The following SNX5 variants were observed in gnomAD, a reference collection of about 807,000 sequenced individuals.
SNX5 encodes the protein sorting nexin 5.
In SNX5, 31 loss-of-function variants were observed where a neutral mutation model predicts 53.9. The observed-to-expected ratio is 0.58, with a 90% CI of 0.43 to 0.78. The LOEUF is 0.78. Among genes scored for constraint, SNX5 ranks in the 30% least tolerant of loss-of-function variants. The pLI is 0.00. For missense variants in SNX5, 471 were observed against 478.8 expected, an observed-to-expected ratio of 0.98 and a Z score of 0.15; for synonymous variants, 168 against 171.1, an observed-to-expected ratio of 0.98 and a Z score of 0.14.
intron 1 of SNX5, chr20:17,962,067 T>A (rs1304132998): frequency 1.2e-6 from 1 of 808,124 alleles, no homozygotes; most frequent in East Asian, 1.3e-4. Flanking sequence ...GTGCTCCGAA[T>A]TGTTACTATT....
chr20:17,948,294 AAAG>A (rs1330478156), intron 10 of SNX5, among the ~76,000 whole-genome samples: 2 of 152,272 alleles, frequency 1.3e-5, no homozygotes, highest in Non-Finnish European at 2.9e-5. Flanking sequence ...GGCTATTAAA[AAAG>A]TATGTTTTTA....
intron 2 of SNX5, 29 bp downstream of exon 2, chr20:17,956,904 T>G (rs775106146): frequency 1.8e-6 from 2 of 1,106,712 alleles, no homozygotes; most frequent in African/African-American, 3.1e-5. Context: ...AACCTAGCAC[T>G]GTATGTATTA....
chr20:17,945,485 G>C (rs2122345580), intron 11 of SNX5: 1 of 152,228 alleles, frequency 6.6e-6, no homozygotes, highest in South Asian at 2.1e-4. Flanking sequence ...AGGTAGACCT[G>C]AATTGGCATC....
At chr20:17,961,490 G>T in intron 1 of SNX5, 1 of 985,294 alleles carries the variant, frequency 1.0e-6, no homozygotes, top group Non-Finnish European at 1.2e-6. Context: ...TGTTAGATTG[G>T]GGCTAGTTGA....
At chr20:17,954,169 C>G (rs1464316943) in intron 3 of SNX5, 52 bp from the exon 4 acceptor site, 5 of 1,603,842 alleles carry the variant, frequency 3.1e-6, no homozygotes, top group African/African-American at 2.7e-5. Flanking sequence ...GCGATGTTTT[C>G]TAGTTGGTGC....
In SNX5 at chr20:17,947,645, C is replaced by T; in HGVS notation, c.919G>A (p.Asp307Asn). Reference protein sequence around the residue: ...YYMLNIEAAKDLLYRRTKALI... With the variant: ...YYMLNIEAAKNLLYRRTKALI... ...GCTTTGGTGCGTCTGTATAAGAGATCCTGGGAAAAAAATTAACAGGTATAC... is the reference window on the plus strand; with the variant it reads ...GCTTTGGTGCGTCTGTATAAGAGATTCTGGGAAAAAAATTAACAGGTATAC... Residue 307 changes from aspartate to asparagine, a missense_variant and splice_region_variant, in exon 11 of 13, where the codon GAT (aspartate) becomes AAT (asparagine). By Grantham distance (23) the Asp-to-Asn change is conservative (BLOSUM62 1). Coordinates refer to ENST00000377759, the MANE Select transcript of SNX5 (RefSeq NM_014426.4). 13 of 1,603,790 alleles carry T rather than the reference C, an allele frequency of 8.1e-6. No individual in the cohort carries two copies. The highest frequency in any genetic ancestry group is 1.1e-5 in the Non-Finnish European group (13 of 1,176,804).
intron 10 of SNX5, among the ~76,000 whole-genome samples, chr20:17,948,051 A>T (rs1400067457): frequency 2.0e-5 from 3 of 152,204 alleles, no homozygotes; most frequent in Non-Finnish European, 4.4e-5. Context: ...TACCCTGCAA[A>T]TCCTGCTTCT....
chr20:17,945,389 C>G (rs2039473287), intron 11 of SNX5: 1 of 152,176 alleles, frequency 6.6e-6, no homozygotes, highest in Non-Finnish European at 1.5e-5. Context: ...CAGCATTCCA[C>G]AGAATACTGT....
chr20:17,952,832 CAG>C, intron 4 of SNX5, 122 bp from the exon 5 acceptor site: 1 of 1,122,558 alleles, frequency 8.9e-7, no homozygotes, highest in Non-Finnish European at 1.2e-6. Context: ...CTGGACCAAA[CAG>C]TATTTCAGTA....
chr20:17,952,424 CA>C (rs1363191816), intron 5 of SNX5, among the ~76,000 whole-genome samples, 162 bp downstream of exon 5: 3 of 152,044 alleles, frequency 2.0e-5, no homozygotes, highest in African/African-American at 7.2e-5. Flanking sequence ...TTTCTTTAAG[CA>C]GAGTTTTACA....
chr20:17,950,612 T>C (rs143398846), intron 6 of SNX5, among the ~76,000 whole-genome samples: 2,818 of 152,270 alleles, frequency 0.019, 52 homozygotes, highest in Non-Finnish European at 0.024. Context: ...TACAGAAGAA[T>C]CACTTAACAA....
Position 17,943,109 on chromosome 20 carries a change from C to G in SNX5, c.1164+1G>C. ...TGGCTTCATCTGTAGAAAACACTTACCCTGGCATGTTTTATTTCCAGTTCA... is the reference window on the plus strand; with the variant it reads ...TGGCTTCATCTGTAGAAAACACTTAGCCTGGCATGTTTTATTTCCAGTTCA... On this transcript the variant is annotated splice_donor_variant, in intron 12 of 12. Coordinates refer to ENST00000377759, the MANE Select transcript of SNX5 (RefSeq NM_014426.4). LOFTEE classifies it high-confidence loss of function. 6.3e-7 allele frequency: 1 copy of G among 1,581,978 alleles called. No homozygotes were observed. Among genetic ancestry groups the G allele is most frequent in the Non-Finnish European group, 8.7e-7 (1 of 1,151,586 alleles).
intron 2 of SNX5, 29 bp downstream of exon 2, chr20:17,956,904 T>C (rs775106146): frequency 1.8e-6 from 2 of 1,106,712 alleles, no homozygotes; most frequent in Admixed American, 1.7e-5. Flanking sequence ...AACCTAGCAC[T>C]GTATGTATTA....
chr20:17,963,748 T>C (rs1435877288), intron 1 of SNX5, among the ~76,000 whole-genome samples: 1 of 152,202 alleles, frequency 6.6e-6, no homozygotes, highest in African/African-American at 2.4e-5. Flanking sequence ...CAAACCAAGA[T>C]GCACAGGAAA....
intron 1 of SNX5, among the ~76,000 whole-genome samples, chr20:17,964,647 G>T (rs1387784717): frequency 6.6e-6 from 1 of 152,132 alleles, no homozygotes; most frequent in Non-Finnish European, 1.5e-5. Flanking sequence ...TCACTATTGG[G>T]ATCATTAAAA....
At chr20:17,961,758 CA>C (rs2035454424) in intron 1 of SNX5, 1 of 985,286 alleles carries the variant, frequency 1.0e-6, no homozygotes, top group African/African-American at 1.7e-5. Context: ...TGTTATGTTT[CA>C]TTCCACTGCC....
chr20:17,952,786 A>G, intron 4 of SNX5, 76 bp from the exon 5 acceptor site: 3 of 1,542,700 alleles, frequency 1.9e-6, no homozygotes, highest in Non-Finnish European at 2.6e-6. Context: ...GATTAATTCT[A>G]TGGCCCTGCT....
At chr20:17,947,345 T>G in intron 11 of SNX5, 141 bp downstream of exon 11, 2 of 813,322 alleles carry the variant, frequency 2.5e-6, no homozygotes, top group Non-Finnish European at 3.8e-6. Flanking sequence ...TGACTGTGCA[T>G]GTGCAAGTGA....
chr20:17,953,194 G>C lies in SNX5; in HGVS notation c.390-484C>G, dbSNP rs545034682. Among the ~76,000 whole-genome samples the C allele has an allele frequency of 1.5e-3, 224 of 152,234 alleles. 4 individuals carry two copies. In the South Asian group the frequency reaches 0.016, roughly 11 times the overall value. On this transcript the variant is annotated intron_variant, in intron 4 of 12. Transcript: ENST00000377759. ...TGCCTCATTCCCCAGAGCTGGTCCC[G>C]AGAGCCACTCAAGTGTGTGCTAAAT... is the stretch of plus-strand genomic sequence containing the variant.
Sources: allele counts gnomAD v4.1 joint callset (sites outside exome capture counted in the v4.1 genomes callset), GRCh38; gene constraint gnomAD v4.1.1; transcripts MANE v1.5; gene names NCBI Gene and HGNC (gene_info 2026-07-23, HGNC 2026-07-21).